Variants in CCDC158 observed in about 807,000 individuals in gnomAD.
The protein encoded by CCDC158 is coiled-coil domain-containing protein 158.
In CCDC158, 116 loss-of-function variants were observed where a neutral mutation model predicts 138.6. That is an observed-to-expected ratio of 0.84 (90% CI 0.72 to 0.98). The LOEUF is 0.98. Ranked by LOEUF, CCDC158 falls within the 50% of genes least tolerant of loss-of-function variation. CCDC158 has a pLI of 0.00. For synonymous variants in CCDC158, 436 were observed against 442.4 expected, an observed-to-expected ratio of 0.99 and a Z score of 0.18; for missense variants, 1,265 against 1,306.1, an observed-to-expected ratio of 0.97 and a Z score of 0.48.
intron 12 of CCDC158, among the ~76,000 whole-genome samples, chr4:76,364,476 C>G (rs1724459832): frequency 6.6e-6 from 1 of 152,098 alleles, no homozygotes; most frequent in Non-Finnish European, 1.5e-5. Context: ...ATTTCAAAGA[C>G]TTTGTATAAA....
intron 18 of CCDC158, among the ~76,000 whole-genome samples, chr4:76,343,329 GC>G (rs1466900564): frequency 6.6e-6 from 1 of 152,104 alleles, no homozygotes; most frequent in Non-Finnish European, 1.5e-5. Flanking sequence ...CAGTTGAAAA[GC>G]CCTGACAACC....
chr4:76,384,255 G>A lies in CCDC158; in HGVS notation c.559C>T (p.Gln187Ter), dbSNP rs566669186. ...TCAACTAGGATTGACCGGATTTCTT[G>A]AAGCACTCCCTCATGACTAAGCATC... The part of the protein sequence containing the change: ...KMMLSHEGVL[Q>*]EIRSILVDFE... The change falls in exon 6 of 25, where the codon CAA (glutamine) becomes TAA (stop). Residue 187 changes from glutamine to a stop codon, truncating the protein, a stop_gained. Transcript: ENST00000682701. LOFTEE classifies it high-confidence loss of function. The A allele has an allele frequency of 1.9e-6, 3 of 1,614,110 alleles. No individual in the cohort carries two copies. The East Asian group carries it at 6.7e-5, about 36-fold the overall frequency.
chr4:76,401,805 C>G (rs1728417202), intron 3 of CCDC158, among the ~76,000 whole-genome samples: 1 of 152,104 alleles, frequency 6.6e-6, no homozygotes, highest in South Asian at 2.1e-4. Flanking sequence ...GACGATGCAC[C>G]TAAGCAGGGA....
In CCDC158 at chr4:76,323,355, T is replaced by G; in HGVS notation, c.3224A>C (p.Asn1075Thr). Residue 1075 changes from asparagine to threonine, a missense_variant, in exon 24 of 25, where the codon AAC (asparagine) becomes ACC (threonine). Coordinates refer to ENST00000682701, the MANE Select transcript of CCDC158 (RefSeq NM_001394954.1). ...CAGAGTTTGCAAGCTTTCTAGTCTG[T>G]TCTGAAGCTTCCTGCATGTTTTTCC... ...TTGKTCRKLQNRLESLQTLVE... is the reference protein window; with the variant it reads ...TTGKTCRKLQTRLESLQTLVE... 1 of 1,613,390 alleles carries G rather than the reference T, an allele frequency of 6.2e-7. No individual in the cohort carries two copies. Among genetic ancestry groups the G allele is most frequent in the Non-Finnish European group, 8.5e-7 (1 of 1,179,662 alleles).
At chr4:76,354,475 A>G (rs1286013645) in intron 15 of CCDC158, among the ~76,000 whole-genome samples, 1 of 152,062 alleles carries the variant, frequency 6.6e-6, no homozygotes, top group East Asian at 1.9e-4. Flanking sequence ...TTACTTTTTC[A>G]CCTCTATTAT....
At chr4:76,379,937 G>C (rs924171118) in intron 8 of CCDC158, among the ~76,000 whole-genome samples, 7 of 152,108 alleles carry the variant, frequency 4.6e-5, no homozygotes, top group Admixed American at 4.6e-4. Flanking sequence ...TGGTTTAAAA[G>C]TATGGCACTT....
chr4:76,321,621 C>T (rs1225776498), intron 24 of CCDC158, among the ~76,000 whole-genome samples: 1 of 146,640 alleles, frequency 6.8e-6, no homozygotes, highest in East Asian at 2.0e-4. Context: ...TATATATGCA[C>T]ACACCTCAGC....
intron 24 of CCDC158, among the ~76,000 whole-genome samples, chr4:76,322,352 T>G (rs1720102476): frequency 6.6e-6 from 1 of 152,194 alleles, no homozygotes; most frequent in South Asian, 2.1e-4. Context: ...CTCTTCACTG[T>G]GACTTGGAAT....
At chr4:76,420,818 G>T (rs1054211381) in intron 1 of CCDC158, among the ~76,000 whole-genome samples, 147 bp downstream of exon 1, 6 of 152,172 alleles carry the variant, frequency 3.9e-5, no homozygotes, top group Non-Finnish European at 8.8e-5. Context: ...TTCCAGTAAA[G>T]AAACAATTTA....
At chr4:76,415,144 AAG>A (rs1344790040) in intron 1 of CCDC158, among the ~76,000 whole-genome samples, 1 of 152,158 alleles carries the variant, frequency 6.6e-6, no homozygotes, top group African/African-American at 2.4e-5. Context: ...CTTGCTATGT[AAG>A]AACTTTAAGC....
intron 18 of CCDC158, 74 bp downstream of exon 18, chr4:76,350,922 A>G: frequency 7.1e-7 from 1 of 1,417,064 alleles, no homozygotes; most frequent in Non-Finnish European, 9.7e-7. Flanking sequence ...TTATTTTTTA[A>G]CGTAATTCTT....
intron 1 of CCDC158, among the ~76,000 whole-genome samples, chr4:76,417,894 C>T (rs1210107139): frequency 3.9e-5 from 6 of 152,144 alleles, no homozygotes; most frequent in Admixed American, 3.9e-4. Context: ...GTGAAGAAGG[C>T]TAATGAGGCT....
chr4:76,399,669 G>C (rs988211935), intron 3 of CCDC158, among the ~76,000 whole-genome samples: 2 of 152,110 alleles, frequency 1.3e-5, no homozygotes, highest in Non-Finnish European at 2.9e-5. Context: ...CAGCTATGAA[G>C]GAGAGATCAG....
At chr4:76,339,143 A>C (rs1721815749) in intron 18 of CCDC158, among the ~76,000 whole-genome samples, 1 of 152,160 alleles carries the variant, frequency 6.6e-6, no homozygotes, top group Non-Finnish European at 1.5e-5. Flanking sequence ...TTAAAAGACA[A>C]GCCTTTGGAG....
At chr4:76,334,645 TGTTA>T (rs1014319855) in intron 18 of CCDC158, among the ~76,000 whole-genome samples, 1 of 152,196 alleles carries the variant, frequency 6.6e-6, no homozygotes, top group Non-Finnish European at 1.5e-5. Flanking sequence ...TTTCAAACTG[TGTTA>T]GTTGGTGTTT....
Position 76,367,317 on chromosome 4 carries a change from G to A in CCDC158, c.1807C>T (p.Arg603Trp), listed in dbSNP as rs575621296. The A allele has an allele frequency of 3.3e-5, 53 of 1,612,768 alleles. No homozygotes were observed. The highest frequency in any genetic ancestry group is 5.3e-5 in the African/African-American group (4 of 74,830). Residue 603 changes from arginine (R) to tryptophan (W), a missense_variant, in exon 12 of 25, where the codon CGG becomes TGG. By Grantham distance (101) the Arg-to-Trp change is moderately radical (BLOSUM62 -3). Transcript: ENST00000682701. The stretch of plus-strand genomic sequence containing the variant: ...ACCTTAAGTTCCTTTAGTTCCATCC[G>A]CCTATCATTAATTTCTTTCTCCAGT... ...AQLEKEINDR[R>W]MELKELKILK...
chr4:76,360,812 G>A (rs1724059605), intron 13 of CCDC158, among the ~76,000 whole-genome samples: 1 of 152,182 alleles, frequency 6.6e-6, no homozygotes, highest in Non-Finnish European at 1.5e-5. Context: ...CTTTGGACTT[G>A]GACTTTTGAG....
At chr4:76,417,764 G>A (rs1729813301) in intron 1 of CCDC158, among the ~76,000 whole-genome samples, 1 of 152,126 alleles carries the variant, frequency 6.6e-6, no homozygotes, top group African/African-American at 2.4e-5. Context: ...TCCTAAGGAG[G>A]TGGCATTGAA....
At chr4:76,349,316 T>C (rs946837063) in intron 18 of CCDC158, among the ~76,000 whole-genome samples, 3 of 152,208 alleles carry the variant, frequency 2.0e-5, no homozygotes, top group Admixed American at 1.3e-4. Context: ...GTATAAAGCA[T>C]GTCTGACAGT....
Sources: gnomAD v4.1 joint callset for allele counts (sites outside exome capture counted in the v4.1 genomes callset) on GRCh38, gnomAD v4.1.1 for gene constraint, MANE v1.5 for transcripts, NCBI Gene and HGNC (gene_info 2026-07-23, HGNC 2026-07-21) for gene names.